CNTNAP5: variants seen among roughly 807,000 people sequenced by gnomAD.
CNTNAP5 encodes contactin associated protein family member 5, also known as contactin-associated protein-like 5.
Under a neutral mutation model 150.2 loss-of-function variants are expected in CNTNAP5, and 72 were observed. The ratio of observed to expected loss-of-function variants is 0.48; its 90% confidence interval spans 0.40 to 0.58. The LOEUF is 0.58. Among genes scored for constraint, CNTNAP5 ranks in the 20% least tolerant of loss-of-function variants. The pLI is 0.00. For synonymous variants in CNTNAP5, 672 were observed against 619.8 expected (o/e 1.08, Z -1.25); for missense variants, 1,636 against 1,626.2 (o/e 1.01, Z -0.10).
intron 1 of CNTNAP5, among the ~76,000 whole-genome samples, chr2:124,064,078 A>T (rs1445272083): frequency 6.6e-6 from 1 of 152,182 alleles, no homozygotes; most frequent in African/African-American, 2.4e-5. Flanking sequence ...GAGGAGAAGT[A>T]TGGAGAGAAA....
rs954000808 is a variant in CNTNAP5, at chr2:124,535,835, C to G, written c.1649+8379C>G. ...AAAAAGAAAGTGTCTACTGAACTCTCTGGTCAAAATTCTTACCTTGTTGGT... is the reference window on the plus strand; with the variant it reads ...AAAAAGAAAGTGTCTACTGAACTCTGTGGTCAAAATTCTTACCTTGTTGGT... On this transcript the variant is annotated intron_variant, in intron 10 of 23. Coordinates refer to ENST00000682447, the MANE Select transcript of CNTNAP5 (RefSeq NM_001367498.1). 2.6e-5 allele frequency among the ~76,000 whole-genome samples: 4 copies of G among 151,986 alleles called. No individual in the cohort carries two copies. The East Asian group carries it at 7.7e-4, about 29-fold the overall frequency.
intron 3 of CNTNAP5, among the ~76,000 whole-genome samples, chr2:124,349,213 C>T (rs184214370): frequency 2.3e-4 from 35 of 152,254 alleles, no homozygotes; most frequent in African/African-American, 7.0e-4. Flanking sequence ...GCCTACTACA[C>T]GCCTAGGCTG....
In CNTNAP5 at chr2:124,491,453, GGA is replaced by G. The variant is rs3980966; in HGVS notation, c.1063-12822_1063-12821del. On this transcript the variant is annotated intron_variant, in intron 7 of 23. Transcript: ENST00000682447. ...TGTTTATATATATACACACACATAT[GGA>G]GAGAGAGAGAGAGAGATGTCACAAT... Among the ~76,000 whole-genome samples, 48 of 150,626 alleles carry G rather than the reference GGA, an allele frequency of 3.2e-4. No homozygotes were observed. In the South Asian group the frequency reaches 8.0e-3, roughly 25 times the overall value.
In CNTNAP5 at chr2:124,191,177, G is replaced by A. The variant is rs571193268; in HGVS notation, c.83-30528G>A. ...TGTTTTCTGACTAAGATCTGAAAAT[G>A]AAATTGAGTGCACATTTTATTTACC... On this transcript the variant is annotated intron_variant, in intron 1 of 23. Coordinates refer to ENST00000682447, the MANE Select transcript of CNTNAP5 (RefSeq NM_001367498.1). Among the ~76,000 whole-genome samples, 30 of 152,278 alleles carry A rather than the reference G, an allele frequency of 2.0e-4. No individual in the cohort carries two copies. The East Asian group carries it at 5.4e-3, about 27-fold the overall frequency.
intron 13 of CNTNAP5, among the ~76,000 whole-genome samples, chr2:124,706,693 G>T (rs1401025585): frequency 1.3e-5 from 2 of 150,270 alleles, no homozygotes; most frequent in African/African-American, 4.9e-5. Flanking sequence ...GTTGCAGTGA[G>T]CTGAGATTAT....
chr2:124,756,830 A>G (rs1007484852), intron 14 of CNTNAP5, among the ~76,000 whole-genome samples: 3 of 152,056 alleles, frequency 2.0e-5, no homozygotes, highest in African/African-American at 7.2e-5. Context: ...GGGCTTAAAA[A>G]CTAAGTGATG....
At chr2:124,261,492 T>C (rs537748875) in intron 3 of CNTNAP5, among the ~76,000 whole-genome samples, 21 of 152,224 alleles carry the variant, frequency 1.4e-4, no homozygotes, top group Non-Finnish European at 2.4e-4. Context: ...TAACGATTGA[T>C]GATAAGAAGC....
Position 124,365,324 on chromosome 2 carries a change from G to GAA in CNTNAP5, c.382-52105_382-52104dup, listed in dbSNP as rs779922592. 5.0e-3 allele frequency among the ~76,000 whole-genome samples: 617 copies of GAA among 123,458 alleles called. 7 individuals are homozygous for GAA. The highest frequency in any genetic ancestry group is 4.8e-3 in the Non-Finnish European group (275 of 57,894). The allele number at this position is 123,458 out of a possible 152,430, so 81.0% of individuals were successfully genotyped here. Reference sequence around the variant, plus strand: ...GAGCAAGACTCTGTCCCAAAAAAAGGAAAAAAAAAAAAAAAGGATGGATGT... The same window carrying GAA: ...GAGCAAGACTCTGTCCCAAAAAAAGGAAAAAAAAAAAAAAAAAGGATGGATGT... On this transcript the variant is annotated intron_variant, in intron 3 of 23. Coordinates refer to ENST00000682447, the MANE Select transcript of CNTNAP5 (RefSeq NM_001367498.1).
chr2:124,580,588 C>T (rs1195786974), intron 11 of CNTNAP5, among the ~76,000 whole-genome samples: 2 of 152,208 alleles, frequency 1.3e-5, no homozygotes, highest in African/African-American at 4.8e-5. Context: ...AATTTGGCTA[C>T]AGTTTTTCTT....
intron 4 of CNTNAP5, among the ~76,000 whole-genome samples, chr2:124,431,553 A>G (rs1191884833): frequency 6.9e-6 from 1 of 144,640 alleles, no homozygotes; most frequent in Non-Finnish European, 1.5e-5. Context: ...TAAATATTAT[A>G]TATAATTTCT....
intron 21 of CNTNAP5, among the ~76,000 whole-genome samples, chr2:124,871,281 C>CTTATTTATTTATTTATTTATTTAT (rs1427017376): frequency 0.068 from 10,237 of 151,110 alleles, 1,168 homozygotes; most frequent in African/African-American, 0.23. Flanking sequence ...TATTTACTTA[C>CTTATTTATTTATTTATTTATTTAT]TTATTTATTT....
At chr2:124,056,457 T>C (rs1681848769) in intron 1 of CNTNAP5, among the ~76,000 whole-genome samples, 1 of 112,900 alleles carries the variant, frequency 8.9e-6, no homozygotes, top group South Asian at 3.6e-4. Flanking sequence ...ACCCCGTCTA[T>C]ACTAAAAATA....
intron 10 of CNTNAP5, among the ~76,000 whole-genome samples, chr2:124,555,287 C>T (rs1695726095): frequency 6.6e-6 from 1 of 152,106 alleles, no homozygotes; most frequent in Non-Finnish European, 1.5e-5. Flanking sequence ...AACTTCTGGG[C>T]TTAAAAATTG....
intron 3 of CNTNAP5, among the ~76,000 whole-genome samples, chr2:124,323,783 C>T (rs1450575020): frequency 6.6e-6 from 1 of 152,174 alleles, no homozygotes; most frequent in Admixed American, 6.5e-5. Flanking sequence ...CATCTTTGCA[C>T]TGGCTCATTT....
chr2:124,198,527 A>T (rs1299309436), intron 1 of CNTNAP5, among the ~76,000 whole-genome samples: 1 of 152,074 alleles, frequency 6.6e-6, no homozygotes, highest in Non-Finnish European at 1.5e-5. Context: ...GGAAGTGAGC[A>T]AAGTACCCAA....
intron 3 of CNTNAP5, among the ~76,000 whole-genome samples, chr2:124,377,504 A>G (rs777312921): frequency 1.3e-5 from 2 of 151,802 alleles, no homozygotes; most frequent in Non-Finnish European, 2.9e-5. Context: ...ATGAAACCCT[A>G]TCTCTACTAA....
intron 1 of CNTNAP5, among the ~76,000 whole-genome samples, chr2:124,055,888 C>G (rs1398264902): frequency 6.6e-6 from 1 of 152,112 alleles, no homozygotes; most frequent in Non-Finnish European, 1.5e-5. Context: ...ATACTTATTT[C>G]TATCCTCAAT....
chr2:124,675,887 T>C (rs1030414538), intron 13 of CNTNAP5, among the ~76,000 whole-genome samples: 8 of 152,126 alleles, frequency 5.3e-5, no homozygotes, highest in African/African-American at 1.7e-4. Flanking sequence ...TTTTGTTGAC[T>C]TTTGTTCTGT....
chr2:124,082,702 T>C (rs1226198052), intron 1 of CNTNAP5, among the ~76,000 whole-genome samples: 1 of 152,350 alleles, frequency 6.6e-6, no homozygotes, highest in Non-Finnish European at 1.5e-5. Flanking sequence ...GGCAGTGGCA[T>C]GTATACTTTT....
Sources: allele counts gnomAD v4.1 joint callset (sites outside exome capture counted in the v4.1 genomes callset), GRCh38; gene constraint gnomAD v4.1.1; transcripts MANE v1.5; gene names NCBI Gene and HGNC (gene_info 2026-07-23, HGNC 2026-07-21).